MEI4: variants seen among roughly 807,000 people sequenced by gnomAD.
MEI4 encodes meiosis-specific protein MEI4.
MEI4 carries 27 observed loss-of-function variants against 31.4 expected under a neutral mutation model. That is an observed-to-expected ratio of 0.86 (90% CI 0.63 to 1.19). MEI4 has a LOEUF of 1.19. Among genes scored for constraint, MEI4 ranks in the 50% most tolerant of loss-of-function variants. The pLI is 0.00. For synonymous variants in MEI4, 122 were observed against 145.4 expected, an observed-to-expected ratio of 0.84 and a Z score of 1.16; for missense variants, 329 against 398.9, an observed-to-expected ratio of 0.82 and a Z score of 1.49.
intron 1 of MEI4, among the ~76,000 whole-genome samples, chr6:77,658,126 G>T (rs1181858225): frequency 2.0e-5 from 3 of 152,208 alleles, no homozygotes; most frequent in Non-Finnish European, 1.5e-5. Context: ...GAGAGTCAGC[G>T]AAGGGTGGTG....
At chr6:77,780,329 C>T (rs1390531453) in intron 3 of MEI4, among the ~76,000 whole-genome samples, 1 of 152,134 alleles carries the variant, frequency 6.6e-6, no homozygotes, top group Admixed American at 6.5e-5. Flanking sequence ...CAGAACTGAT[C>T]TCTCTGGGGG....
chr6:77,785,592 G>A (rs1343294452), intron 3 of MEI4, among the ~76,000 whole-genome samples: 1 of 152,148 alleles, frequency 6.6e-6, no homozygotes, highest in Non-Finnish European at 1.5e-5. Flanking sequence ...GAATGAAAAA[G>A]CAAAGCAAGG....
intron 2 of MEI4, among the ~76,000 whole-genome samples, chr6:77,738,331 G>C (rs910739554): frequency 1.3e-5 from 2 of 152,180 alleles, no homozygotes; most frequent in Non-Finnish European, 2.9e-5. Flanking sequence ...GCATTTGAGA[G>C]TGATACCTCT....
At chr6:77,673,505 TAG>T (rs918917769) in intron 1 of MEI4, among the ~76,000 whole-genome samples, 9 of 152,204 alleles carry the variant, frequency 5.9e-5, no homozygotes, top group Non-Finnish European at 1.3e-4. Context: ...GGCTAGGGCT[TAG>T]TTTTTCTGTT....
intron 2 of MEI4, among the ~76,000 whole-genome samples, chr6:77,712,551 T>C (rs1019815763): frequency 6.6e-6 from 1 of 152,198 alleles, no homozygotes; most frequent in Non-Finnish European, 1.5e-5. Context: ...AGGGCAAGGC[T>C]TAGAATGCCA....
rs1766796853 is a variant in MEI4 at position 77,924,456 on chromosome 6, T to C, written c.*1110T>C. Reference sequence around the variant, plus strand: ...CTACATGTATGTCAGTCAGCTTTTGTTATGTGACAGATAGATAATCAATCA... The same window carrying C: ...CTACATGTATGTCAGTCAGCTTTTGCTATGTGACAGATAGATAATCAATCA... On this transcript the variant is annotated 3_prime_UTR_variant, in exon 5 of 5. Transcript: ENST00000684080. 6.6e-6 allele frequency: 1 copy of C among 151,844 alleles called. No homozygotes were observed. Among genetic ancestry groups the C allele is most frequent in the African/African-American group, 2.4e-5 (1 of 41,384 alleles). The allele number at this position is 151,844 out of a possible 1,614,324, so 9.4% of individuals were successfully genotyped here.
At chr6:77,768,545 C>T (rs2127685581) in intron 3 of MEI4, among the ~76,000 whole-genome samples, 1 of 152,032 alleles carries the variant, frequency 6.6e-6, no homozygotes. Context: ...ACTAAAAATA[C>T]AAAAAATAGC....
intron 4 of MEI4, among the ~76,000 whole-genome samples, chr6:77,854,978 TG>T (rs1770712020): frequency 3.7e-4 from 2 of 5,420 alleles, no homozygotes; most frequent in East Asian, 4.9e-3. Flanking sequence ...ATAGACATTG[TG>T]GGGGGTGGGA....
chr6:77,679,532 T>C (rs948715405), intron 1 of MEI4, among the ~76,000 whole-genome samples: 2 of 74,716 alleles, frequency 2.7e-5, no homozygotes, highest in Non-Finnish European at 5.4e-5. Flanking sequence ...TGCCTAAGGA[T>C]GGATTTCTTG....
chr6:77,686,360 T>C (rs1175158984), intron 1 of MEI4, among the ~76,000 whole-genome samples: 1 of 152,120 alleles, frequency 6.6e-6, no homozygotes. Flanking sequence ...AGTAAGTCTG[T>C]CTTTTCTCTT....
At chr6:77,910,641 A>G (rs1334384449) in intron 4 of MEI4, among the ~76,000 whole-genome samples, 3 of 152,124 alleles carry the variant, frequency 2.0e-5, no homozygotes, top group African/African-American at 4.8e-5. Flanking sequence ...AAAGTAATTT[A>G]TAGATTCAAT....
chr6:77,917,297 G>T (rs1041421339), intron 4 of MEI4, among the ~76,000 whole-genome samples: 1 of 150,058 alleles, frequency 6.7e-6, no homozygotes, highest in African/African-American at 2.4e-5. Context: ...GTAATGGGAT[G>T]GCTGGGTCAA....
chr6:77,810,492 AAG>A (rs71546071), intron 3 of MEI4, among the ~76,000 whole-genome samples: 13,983 of 152,204 alleles, frequency 0.092, 926 homozygotes, highest in East Asian at 0.3. Flanking sequence ...ATAAGGGGTG[AAG>A]AAGGCATCTG....
intron 4 of MEI4, among the ~76,000 whole-genome samples, chr6:77,869,245 T>C (rs1771137804): frequency 6.6e-6 from 1 of 152,094 alleles, no homozygotes; most frequent in African/African-American, 2.4e-5. Context: ...GGAGAGGGAA[T>C]GTTATGAAGC....
At chr6:77,741,273 G>A (rs1214818473) in intron 2 of MEI4, among the ~76,000 whole-genome samples, 1 of 152,184 alleles carries the variant, frequency 6.6e-6, no homozygotes, top group Non-Finnish European at 1.5e-5. Context: ...GGCTTTCTGG[G>A]CAAAACTGAG....
At chr6:77,907,398 T>C (rs975677668) in intron 4 of MEI4, among the ~76,000 whole-genome samples, 1 of 152,178 alleles carries the variant, frequency 6.6e-6, no homozygotes, top group Non-Finnish European at 1.5e-5. Context: ...TTTGGTTTTT[T>C]GTCCTTGTGA....
At chr6:77,831,433 C>T (rs1770077294) in intron 4 of MEI4, among the ~76,000 whole-genome samples, 1 of 151,590 alleles carries the variant, frequency 6.6e-6, no homozygotes, top group Non-Finnish European at 1.5e-5. Context: ...GATACCGGCA[C>T]TCACATGCTC....
chr6:77,776,161 T>TTTTTTG (rs151011698), intron 3 of MEI4, among the ~76,000 whole-genome samples: 2 of 119,958 alleles, frequency 1.7e-5, no homozygotes, highest in Non-Finnish European at 3.9e-5. Context: ...TAATTGTTTT[T>TTTTTTG]TTTTTGTTTT....
At chr6:77,711,133 G>A (rs1766456412) in intron 2 of MEI4, among the ~76,000 whole-genome samples, 3 of 151,986 alleles carry the variant, frequency 2.0e-5, no homozygotes. Context: ...GAGTCAAAGG[G>A]TTTCAGTTAG....
Sources: allele counts gnomAD v4.1 joint callset (sites outside exome capture counted in the v4.1 genomes callset), GRCh38; gene constraint gnomAD v4.1.1; transcripts MANE v1.5; gene names NCBI Gene and HGNC (gene_info 2026-07-23, HGNC 2026-07-21).